The following SAP130 variants were observed in gnomAD, a reference collection of about 807,000 sequenced individuals.
The protein encoded by SAP130 is histone deacetylase complex subunit SAP130.
In SAP130, 16 loss-of-function variants were observed where a neutral mutation model predicts 103.2. The ratio of observed to expected loss-of-function variants is 0.16; its 90% confidence interval spans 0.10 to 0.24. The LOEUF (loss-of-function observed/expected upper bound fraction) is 0.24. SAP130 is among the 10% of genes least tolerant of loss of function. The pLI is 1.00. For synonymous variants in SAP130, 477 were observed against 497.0 expected (o/e 0.96, Z 0.53); for missense variants, 990 against 1,359.7 (o/e 0.73, Z 4.28).
chr2:127,968,319 C>T lies in SAP130; in HGVS notation c.2063+9666G>A, dbSNP rs574979402. Among the ~76,000 whole-genome samples the T allele has an allele frequency of 8.6e-5, 13 of 151,770 alleles. No homozygotes were observed. In the South Asian group the frequency reaches 2.7e-3, roughly 32 times the overall value. ...AGAGACAGGGTTTCATCACGTTGGC[C>T]AGGCTGGTCTTGAACTCCTGGCCTT... On this transcript the variant is annotated intron_variant, in intron 15 of 20. Coordinates refer to ENST00000643581, the MANE Select transcript of SAP130 (RefSeq NM_001330301.2).
Position 127,979,253 on chromosome 2 carries a change from C to T in SAP130, c.1959-1164G>A, listed in dbSNP as rs568636897. Among the ~76,000 whole-genome samples the T allele has an allele frequency of 6.6e-5, 10 of 152,260 alleles. No individual in the cohort carries two copies. The South Asian group carries it at 2.1e-3, about 32-fold the overall frequency. The stretch of plus-strand genomic sequence containing the variant: ...AAAGATCAACAGCAGCCACTGGCAG[C>T]CAGCACAAGTGGATTCTCCCTGAGA... On this transcript the variant is annotated intron_variant, in intron 14 of 20. Transcript: ENST00000643581.
Position 128,000,323 on chromosome 2 carries a change from AGCT to A in SAP130, c.998_1000del (p.Gln333del). On this transcript the variant is annotated inframe_deletion, in exon 8 of 21. Coordinates refer to ENST00000643581, the MANE Select transcript of SAP130 (RefSeq NM_001330301.2). ...TGGTTTTACCTGAGCCATTGTATGA[AGCT>A]GCTGTTTTGGCGTCCCTAATGCAGG... is the stretch of plus-strand genomic sequence containing the variant. 1 of 1,614,208 alleles carries A rather than the reference AGCT, an allele frequency of 6.2e-7. No homozygotes were observed. Among genetic ancestry groups the A allele is most frequent in the Non-Finnish European group, 8.5e-7 (1 of 1,180,036 alleles).
intron 7 of SAP130, among the ~76,000 whole-genome samples, chr2:128,001,253 G>A (rs1434547316): frequency 6.6e-6 from 1 of 152,180 alleles, no homozygotes; most frequent in East Asian, 1.9e-4. Flanking sequence ...TCAAATCAGA[G>A]GGGAGGCCAC....
chr2:127,952,004 A>T (rs1679526511), intron 16 of SAP130, among the ~76,000 whole-genome samples: 1 of 152,316 alleles, frequency 6.6e-6, no homozygotes, highest in Non-Finnish European at 1.5e-5. Context: ...TGCTTTCAGC[A>T]AAGGCCAAAC....
At chr2:127,963,895 T>C (rs116749747) in intron 15 of SAP130, among the ~76,000 whole-genome samples, 4,225 of 152,346 alleles carry the variant, frequency 0.028, 177 homozygotes, top group African/African-American at 0.093. Flanking sequence ...TCTATCATTA[T>C]TTGCATAGAA....
At chr2:128,026,885 C>T (rs560849359) in intron 1 of SAP130, among the ~76,000 whole-genome samples, 1 of 152,354 alleles carries the variant, frequency 6.6e-6, no homozygotes, top group South Asian at 2.1e-4. Context: ...CCTTCTCCAT[C>T]TTCCCTAAAA....
Position 127,989,428 on chromosome 2 carries a change from C to T in SAP130, c.1780+136G>A. ...TGACCCTGAAACTCTAAGTTCTAAG[C>T]AACTCATATTATTAATACAAAGAAG... is the stretch of plus-strand genomic sequence containing the variant. On this transcript the variant is annotated intron_variant, in intron 13 of 20. Transcript: ENST00000643581. This position sits in a 1 kb window ranked among gnomAD's most constrained non-coding sequence, Gnocchi z 4.6. 1.3e-6 allele frequency: 1 copy of T among 773,696 alleles called. No homozygotes were observed. Among genetic ancestry groups the T allele is most frequent in the Non-Finnish European group, 2.0e-6 (1 of 491,000 alleles). The allele number at this position is 773,696 out of a possible 1,614,324, so 47.9% of individuals were successfully genotyped here. A position where few individuals can be genotyped will look rare whatever the true frequency, so the allele number is the denominator to read the frequency against.
At chr2:128,013,520 C>G (rs4392195) in intron 5 of SAP130, among the ~76,000 whole-genome samples, 43,157 of 151,914 alleles carry the variant, frequency 0.28, 6,851 homozygotes, top group African/African-American at 0.44. Flanking sequence ...TCGACATTGC[C>G]AAAGGGACAC....
intron 14 of SAP130, among the ~76,000 whole-genome samples, chr2:127,983,823 G>T (rs2461456): frequency 0.71 from 56,722 of 79,782 alleles, 20,924 homozygotes; most frequent in Admixed American, 0.75. Context: ...TTACTTTGTT[G>T]TTTTTTTTTT....
chr2:128,024,534 T>A (rs1573868277), intron 2 of SAP130, among the ~76,000 whole-genome samples: 1 of 151,908 alleles, frequency 6.6e-6, no homozygotes, highest in East Asian at 1.9e-4. Context: ...GGCAACATTG[T>A]GAGATCCCCT....
intron 1 of SAP130, chr2:128,027,379 C>T: frequency 8.7e-7 from 1 of 1,144,584 alleles, no homozygotes; most frequent in East Asian, 4.4e-5. Context: ...CAATCCACAG[C>T]GACCTGCACG....
chr2:127,993,168 T>A lies in SAP130; in HGVS notation c.1477+19A>T, dbSNP rs1483148318. The stretch of plus-strand genomic sequence containing the variant: ...AAAAGTTAAACTGTGAAAAGTCATC[T>A]AAAAAGCAGGGCTCATACCTGGATA... On this transcript the variant is annotated intron_variant, in intron 12 of 20. Coordinates refer to ENST00000643581, the MANE Select transcript of SAP130 (RefSeq NM_001330301.2). 1 of 1,613,486 alleles carries A rather than the reference T, an allele frequency of 6.2e-7. No individual in the cohort carries two copies. The highest frequency in any genetic ancestry group is 8.5e-7 in the Non-Finnish European group (1 of 1,179,738).
At chr2:127,992,341 C>T (rs1323276881) in intron 12 of SAP130, among the ~76,000 whole-genome samples, 7 of 150,248 alleles carry the variant, frequency 4.7e-5, no homozygotes, top group East Asian at 2.0e-4. Context: ...AGTGCAGTGG[C>T]ACAATAGTGG....
chr2:127,950,525 G>T, intron 16 of SAP130, 117 bp from the exon 17 acceptor site: 1 of 1,176,106 alleles, frequency 8.5e-7, no homozygotes, highest in Non-Finnish European at 1.2e-6. Context: ...AACATTTATT[G>T]TCTTCCTATG....
chr2:127,950,196 C>A lies in SAP130; in HGVS notation c.2635G>T (p.Ala879Ser). 1 of 1,614,200 alleles carries A rather than the reference C, an allele frequency of 6.2e-7. No homozygotes were observed. Among genetic ancestry groups the A allele is most frequent in the Non-Finnish European group, 8.5e-7 (1 of 1,180,048 alleles). The stretch of plus-strand genomic sequence containing the variant: ...TTGGGAGGAGACTTGCGCTTCTCAG[C>A]CTTCACCAGAAGACTCTTGGCAGTG... ...KSTAKSLLVKAEKRKSPPKEY... is the reference protein window; with the variant it reads ...KSTAKSLLVKSEKRKSPPKEY... The change falls in exon 17 of 21, where the codon GCT becomes TCT. Residue 879 changes from alanine to serine, a missense_variant. Physicochemically the swap from Ala to Ser is moderately conservative, Grantham distance 99 (BLOSUM62 1). Coordinates refer to ENST00000643581, the MANE Select transcript of SAP130 (RefSeq NM_001330301.2).
chr2:127,950,037 C>G, intron 17 of SAP130, 43 bp from the exon 18 acceptor site: 1 of 1,611,164 alleles, frequency 6.2e-7, no homozygotes, highest in Non-Finnish European at 8.5e-7. Flanking sequence ...ACACTGTCAA[C>G]AATCCTCAAA....
intron 14 of SAP130, among the ~76,000 whole-genome samples, 168 bp from the exon 15 acceptor site, chr2:127,978,257 C>A (rs1681616007): frequency 6.6e-6 from 1 of 151,796 alleles, no homozygotes; most frequent in East Asian, 1.9e-4. Flanking sequence ...AGACACATTA[C>A]CAAAAAACTC....
At chr2:128,026,320 G>C (rs1253679004) in intron 1 of SAP130, 22 bp from the exon 2 acceptor site, 7 of 1,486,906 alleles carry the variant, frequency 4.7e-6, no homozygotes, top group East Asian at 2.3e-5. Context: ...ACAGTTATAT[G>C]GTTATTACTA....
At chr2:127,948,955 C>A (rs1679311263) in intron 18 of SAP130, among the ~76,000 whole-genome samples, 2 of 152,138 alleles carry the variant, frequency 1.3e-5, no homozygotes, top group Non-Finnish European at 2.9e-5. Flanking sequence ...TTTAGTGGTT[C>A]ATATCCTACT....
Sources: allele counts gnomAD v4.1 joint callset (sites outside exome capture counted in the v4.1 genomes callset), GRCh38; gene constraint gnomAD v4.1.1; non-coding constraint Gnocchi (gnomAD v3.1); transcripts MANE v1.5; gene names NCBI Gene and HGNC (gene_info 2026-07-23, HGNC 2026-07-21).